Variants in HAPLN3 observed in about 807,000 individuals in gnomAD.
The protein encoded by HAPLN3 is extracellular link domain containing, 1.
In HAPLN3, 28 loss-of-function variants were observed where a neutral mutation model predicts 28.1. The ratio of observed to expected loss-of-function variants is 1.00; its 90% CI spans 0.74 to 1.37. The LOEUF (loss-of-function observed/expected upper bound fraction) is 1.37. Ranked by LOEUF, HAPLN3 falls within the 40% of genes most tolerant of loss-of-function variation. The pLI, the probability that HAPLN3 is intolerant of heterozygous loss-of-function variation, is 0.00. For missense variants in HAPLN3, 513 were observed against 504.6 expected (o/e 1.02, Z -0.16); for synonymous variants, 211 against 213.1 (o/e 0.99, Z 0.09).
Position 88,879,674 on chromosome 15 carries a change from T to A in HAPLN3, c.494-405A>T, listed in dbSNP as rs774522548. The A allele has an allele frequency of 7.6e-6, 9 of 1,186,070 alleles. No homozygotes were observed. Among genetic ancestry groups the A allele is most frequent in the Non-Finnish European group, 9.6e-6 (9 of 941,536 alleles). The allele number at this position is 1,186,070 out of a possible 1,614,324, so 73.5% of individuals were successfully genotyped here. On this transcript the variant is annotated intron_variant, in intron 3 of 4. Coordinates refer to ENST00000359595, the MANE Select transcript of HAPLN3 (RefSeq NM_178232.4). The surrounding 1 kb of genome is among the most constrained non-coding windows in gnomAD (Gnocchi z 5.0). ...TGGGACCCGATCGTCTACGTTATTA[T>A]GAATGTGGAAATTTCCTAGGAAAAT...
intron 1 of HAPLN3, among the ~76,000 whole-genome samples, chr15:88,889,152 C>A (rs1897943416): frequency 6.6e-6 from 1 of 152,206 alleles, no homozygotes; most frequent in Non-Finnish European, 1.5e-5. Context: ...GCGTCCCCCA[C>A]TTCCTTGTTG....
In HAPLN3 at chr15:88,888,276, A is replaced by G. The variant is rs1897921313; in HGVS notation, c.-47-931T>C. On this transcript the variant is annotated intron_variant, in intron 1 of 4. Coordinates refer to ENST00000359595, the MANE Select transcript of HAPLN3 (RefSeq NM_178232.4). The surrounding 1 kb of genome is among the most constrained non-coding windows in gnomAD (Gnocchi z 4.1). ...TCAGCTAATTTTTTGTAATTTTAGT[A>G]CAGACGGGGTTTCACCGCGTTAGCC... Among the ~76,000 whole-genome samples, 1 of 151,904 alleles carries G rather than the reference A, an allele frequency of 6.6e-6. No homozygotes were observed. The highest frequency in any genetic ancestry group is 2.1e-4 in the South Asian group (1 of 4,814).
intron 1 of HAPLN3, chr15:88,893,158 G>A (rs754223163): frequency 1.4e-6 from 1 of 703,276 alleles, no homozygotes; most frequent in South Asian, 1.5e-5. Flanking sequence ...GCTCACACCT[G>A]TAATCCTACA....
chr15:88,881,273 A>G lies in HAPLN3; in HGVS notation c.493+84T>C. On this transcript the variant is annotated intron_variant, in intron 3 of 4. Transcript: ENST00000359595. The surrounding 1 kb of genome is among the most constrained non-coding windows in gnomAD (Gnocchi z 6.0). ...GAATTAAGTACTTTTAAATGTCTAA[A>G]GCACAGAGGTCTGGATGTTTTCTCT... 1 of 1,476,130 alleles carries G rather than the reference A, an allele frequency of 6.8e-7. No homozygotes were observed. The highest frequency in any genetic ancestry group is 9.1e-7 in the Non-Finnish European group (1 of 1,102,576). The allele number at this position is 1,476,130 out of a possible 1,614,324, so 91.4% of individuals were successfully genotyped here. A position where few individuals can be genotyped will look rare whatever the true frequency, so the allele number is the denominator to read the frequency against.
intron 4 of HAPLN3, 21 bp downstream of exon 4, chr15:88,878,946 G>C (rs769150325): frequency 1.0e-5 from 16 of 1,587,380 alleles, no homozygotes; most frequent in Non-Finnish European, 1.3e-5. Context: ...CCACAGGCCC[G>C]CGCTTGGCTA....
At chr15:88,884,768 C>A (rs181790210) in intron 2 of HAPLN3, among the ~76,000 whole-genome samples, 1 of 151,778 alleles carries the variant, frequency 6.6e-6, no homozygotes, top group South Asian at 2.1e-4. Flanking sequence ...AATGCAAATG[C>A]GCAAGTACCT....
intron 2 of HAPLN3, among the ~76,000 whole-genome samples, chr15:88,884,065 C>T (rs1309579182): frequency 6.7e-6 from 1 of 150,148 alleles, no homozygotes; most frequent in Non-Finnish European, 1.5e-5. Context: ...AGAGTGAGAC[C>T]CTGTCTCAAA....
intron 2 of HAPLN3, among the ~76,000 whole-genome samples, chr15:88,882,336 C>T (rs1337448245): frequency 1.3e-5 from 2 of 152,194 alleles, no homozygotes; most frequent in Non-Finnish European, 2.9e-5. Flanking sequence ...TAAAATCTAA[C>T]CAATGGAGCA....
chr15:88,879,343 C>T lies in HAPLN3; in HGVS notation c.494-74G>A. 1 of 1,592,950 alleles carries T rather than the reference C, an allele frequency of 6.3e-7. No homozygotes were observed. Among genetic ancestry groups the T allele is most frequent in the Admixed American group, 1.7e-5 (1 of 58,766 alleles). On this transcript the variant is annotated intron_variant, in intron 3 of 4. Transcript: ENST00000359595. The surrounding 1 kb of genome is among the most constrained non-coding windows in gnomAD (Gnocchi z 5.0). ...GGCTGGACACCCCGCTCTCCTCCCA[C>T]CTTCACTGGGACATGTGCTGCCTGC... is the stretch of plus-strand genomic sequence containing the variant.
intron 1 of HAPLN3, among the ~76,000 whole-genome samples, chr15:88,891,796 C>T (rs1173391023): frequency 6.6e-6 from 1 of 152,186 alleles, no homozygotes; most frequent in Non-Finnish European, 1.5e-5. Flanking sequence ...GATTGTGTGG[C>T]ACACACAGCC....
At position 88,888,746 on chromosome 15, in the gene HAPLN3, C is replaced by T. The variant is rs1010864929; in HGVS notation, c.-47-1401G>A. On this transcript the variant is annotated intron_variant, in intron 1 of 4. Coordinates refer to ENST00000359595, the MANE Select transcript of HAPLN3 (RefSeq NM_178232.4). The surrounding 1 kb of genome is among the most constrained non-coding windows in gnomAD (Gnocchi z 4.1). ...CTTGATTGCTGTGTGTTGAGTACCA[C>T]GATGGAGGTACAGAAACGGGAATGT... Among the ~76,000 whole-genome samples the T allele has an allele frequency of 7.2e-5, 11 of 152,090 alleles. No individual in the cohort carries two copies. Among genetic ancestry groups the T allele is most frequent in the African/African-American group, 2.4e-4 (10 of 41,400 alleles).
chr15:88,880,118 G>A lies in HAPLN3; in HGVS notation c.494-849C>T. 1 of 992,196 alleles carries A rather than the reference G, an allele frequency of 1.0e-6. No individual in the cohort carries two copies. Among genetic ancestry groups the A allele is most frequent in the Non-Finnish European group, 1.2e-6 (1 of 834,328 alleles). 61.5% of individuals were successfully genotyped at this position (992,196 alleles called of 1,614,324 possible). A position where few individuals can be genotyped will look rare whatever the true frequency, so the allele number is the denominator to read the frequency against. ...CAGGTTGGGCGGCAGAGAAGCCCAT[G>A]GGCCCTGACAGTCAGCTTGCAGCCT... On this transcript the variant is annotated intron_variant, in intron 3 of 4. Transcript: ENST00000359595. The surrounding 1 kb of genome is among the most constrained non-coding windows in gnomAD (Gnocchi z 6.0).
chr15:88,877,966 G>A lies in HAPLN3; in HGVS notation c.*4C>T. On this transcript the variant is annotated 3_prime_UTR_variant, in exon 5 of 5. Coordinates refer to ENST00000359595, the MANE Select transcript of HAPLN3 (RefSeq NM_178232.4). This position sits in a 1 kb window ranked among gnomAD's most constrained non-coding sequence, Gnocchi z 5.1. ...GGGAATGCGGCAGGGGAGGGCCCCA[G>A]GTCCTAGTGCTGGCGGTAGCAGTAA... is the stretch of plus-strand genomic sequence containing the variant. 6.3e-7 allele frequency: 1 copy of A among 1,587,920 alleles called. No individual in the cohort carries two copies. Among genetic ancestry groups the A allele is most frequent in the Non-Finnish European group, 8.6e-7 (1 of 1,165,148 alleles).
chr15:88,882,929 C>A (rs967550637), intron 2 of HAPLN3, among the ~76,000 whole-genome samples: 1 of 152,084 alleles, frequency 6.6e-6, no homozygotes, highest in African/African-American at 2.4e-5. Context: ...TTGTTTCAGC[C>A]CAGAAGTCAA....
rs150514919 is a variant in HAPLN3 at position 88,878,017 on chromosome 15, C to T, written c.1036G>A (p.Asp346Asn). The T allele has an allele frequency of 1.8e-4, 290 of 1,613,610 alleles. No individual in the cohort carries two copies. The highest frequency in any genetic ancestry group is 2.4e-4 in the Non-Finnish European group (280 of 1,179,870). ...EPGVRSFGFP[D>N]PQSRLYGVYC... ...ACACCGTACAAGCGGCTCTGCGGGT[C>T]GGGGAAGCCAAAGCTTCGGACCCCA... is the stretch of plus-strand genomic sequence containing the variant. Residue 346 changes from aspartate (D) to asparagine (N), a missense_variant, in exon 5 of 5, where the codon GAC becomes AAC. Physicochemically the swap from Asp to Asn is conservative, Grantham distance 23. Transcript: ENST00000359595.
At chr15:88,882,735 G>A (rs1897739510) in intron 2 of HAPLN3, among the ~76,000 whole-genome samples, 1 of 152,156 alleles carries the variant, frequency 6.6e-6, no homozygotes. Context: ...CAGGCACGGT[G>A]GTTCACGCTT....
Position 88,879,542 on chromosome 15 carries a change from G to A in HAPLN3, c.494-273C>T, listed in dbSNP as rs931277531. ...CCCAACAATGTCCCCAACCTAATCC[G>A]CAAGGCTGTCGCCAGACCCCCAGTG... On this transcript the variant is annotated intron_variant, in intron 3 of 4. Coordinates refer to ENST00000359595, the MANE Select transcript of HAPLN3 (RefSeq NM_178232.4). This position sits in a 1 kb window ranked among gnomAD's most constrained non-coding sequence, Gnocchi z 5.0. 77 of 1,444,950 alleles carry A rather than the reference G, an allele frequency of 5.3e-5. No individual in the cohort carries two copies. The highest frequency in any genetic ancestry group is 3.7e-4 in the African/African-American group (26 of 71,000). 89.5% of individuals were successfully genotyped at this position (1,444,950 alleles called of 1,614,324 possible).
intron 1 of HAPLN3, among the ~76,000 whole-genome samples, chr15:88,889,013 T>C (rs1897939688): frequency 6.6e-6 from 1 of 152,144 alleles, no homozygotes; most frequent in Non-Finnish European, 1.5e-5. Flanking sequence ...TCCAGTGGGA[T>C]TGAGCCAATG....
In HAPLN3 at chr15:88,879,200, C is replaced by A. The variant is rs760496008; in HGVS notation, c.563G>T (p.Cys188Phe). ...GGCCACCACCGCAGCCTGCTCTGCA[C>A]AGACCTGCTGGCCCTCGTGGAAGTT... ...QFNFHEGQQV[C>F]AEQAAVVASF... Residue 188 changes from cysteine to phenylalanine, a missense_variant, in exon 4 of 5, where the codon TGT (cysteine) becomes TTT (phenylalanine). By Grantham distance (205) the Cys-to-Phe change is radical (BLOSUM62 -2). Transcript: ENST00000359595. The surrounding 1 kb of genome is among the most constrained non-coding windows in gnomAD (Gnocchi z 5.0). The A allele has an allele frequency of 1.1e-5, 17 of 1,613,106 alleles. No individual in the cohort carries two copies. Among genetic ancestry groups the A allele is most frequent in the Non-Finnish European group, 1.4e-5 (16 of 1,179,654 alleles).
Sources: gnomAD v4.1 joint callset for allele counts (sites outside exome capture counted in the v4.1 genomes callset) on GRCh38, gnomAD v4.1.1 for gene constraint, Gnocchi (gnomAD v3.1) non-coding constraint, MANE v1.5 for transcripts, NCBI Gene and HGNC (gene_info 2026-07-23, HGNC 2026-07-21) for gene names.